VWA5B1: variants seen among roughly 807,000 people sequenced by gnomAD.
VWA5B1 encodes von Willebrand factor A domain-containing protein 5B1.
VWA5B1 carries 115 observed loss-of-function variants against 118.2 expected under a neutral mutation model. The observed-to-expected ratio is 0.97, with a 90% CI of 0.84 to 1.14. VWA5B1 has a LOEUF of 1.14. Among genes scored for constraint, VWA5B1 ranks in the 50% most tolerant of loss-of-function variants. The probability of loss-of-function intolerance (pLI) is 0.00; values close to 1 mark genes in which losing one functional copy is unlikely to be tolerated. For synonymous variants in VWA5B1, 682 were observed against 658.4 expected (o/e 1.04, Z -0.55); for missense variants, 1,596 against 1,603.8 (o/e 1.00, Z 0.08).
chr1:20,309,823 G>A (rs1350442195), intron 1 of VWA5B1, among the ~76,000 whole-genome samples: 16 of 152,118 alleles, frequency 1.1e-4, no homozygotes, highest in Admixed American at 1.0e-3. Flanking sequence ...GCCTGGGACA[G>A]GGTGCTGGTG....
At chr1:20,323,567 G>A in intron 8 of VWA5B1, 35 bp downstream of exon 8, 1 of 1,347,566 alleles carries the variant, frequency 7.4e-7, no homozygotes, top group South Asian at 1.9e-5. Context: ...GAGGACCCGG[G>A]GCTCCAGGGG....
intron 1 of VWA5B1, 83 bp from the exon 2 acceptor site, chr1:20,310,493 T>G: frequency 1.5e-6 from 2 of 1,304,000 alleles, no homozygotes; most frequent in Non-Finnish European, 2.0e-6. Context: ...TCTGATTGCT[T>G]GAGGGTGTCT....
chr1:20,357,855 G>T lies in VWA5B1; in HGVS notation c.*3592G>T, dbSNP rs147817669. On this transcript the variant is annotated 3_prime_UTR_variant, in exon 22 of 22. Coordinates refer to ENST00000289815, the MANE Select transcript of VWA5B1 (RefSeq NM_001039500.3). ...TCTCATTTATGGTATGGGTACAGAT[G>T]ACCACAATAGCTCATGGTATTGCAC... is the stretch of plus-strand genomic sequence containing the variant. 7.6e-3 allele frequency among the ~76,000 whole-genome samples: 1,162 copies of T among 152,278 alleles called. 12 individuals are homozygous for T. The highest frequency in any genetic ancestry group is 0.014 in the Middle Eastern group (4 of 294).
At chr1:20,311,110 C>A (rs1351494492) in intron 2 of VWA5B1, among the ~76,000 whole-genome samples, 1 of 152,220 alleles carries the variant, frequency 6.6e-6, no homozygotes, top group Admixed American at 6.5e-5. Context: ...GTAGCTGGGA[C>A]TACGGGCATG....
chr1:20,312,701 C>A (rs2088883973), intron 2 of VWA5B1, 135 bp from the exon 3 acceptor site: 1 of 1,251,522 alleles, frequency 8.0e-7, no homozygotes, highest in Non-Finnish European at 1.0e-6. Flanking sequence ...TGGCTCTCTG[C>A]CGAGGCCTCT....
chr1:20,332,787 G>T lies in VWA5B1; in HGVS notation c.1594G>T (p.Ala532Ser). ...QPKMVKSLKK[A>S]MAPVLSDVTV... ...ACAGATGGTCAAATCCTTGAAGAAG[G>T]CCATGGCCCCAGTCCTGAGCGATGT... Residue 532 changes from alanine to serine, a missense_variant, in exon 12 of 22, where the codon GCC (alanine) becomes TCC (serine). Transcript: ENST00000289815. The T allele has an allele frequency of 6.4e-7, 1 of 1,551,714 alleles. No homozygotes were observed. Among genetic ancestry groups the T allele is most frequent in the Non-Finnish European group, 8.7e-7 (1 of 1,147,002 alleles).
intron 9 of VWA5B1, among the ~76,000 whole-genome samples, chr1:20,329,312 T>TTTTTTTTTTTTTTTG (rs2089478225): frequency 8.7e-6 from 1 of 114,728 alleles, no homozygotes; most frequent in African/African-American, 3.1e-5. Context: ...TTTTTTTTTT[T>TTTTTTTTTTTTTTTG]TTTTGAGATG....
chr1:20,350,490 AC>A, intron 19 of VWA5B1, among the ~76,000 whole-genome samples: 1 of 152,128 alleles, frequency 6.6e-6, no homozygotes, highest in Non-Finnish European at 1.5e-5. Context: ...CCGCTGAGGG[AC>A]CATTTTTGCC....
At chr1:20,349,040 G>C (rs2090068542) in intron 18 of VWA5B1, 1 of 278,778 alleles carries the variant, frequency 3.6e-6, no homozygotes, top group Non-Finnish European at 7.5e-6. Flanking sequence ...GAAGACATCA[G>C]AGGTCCCGCC....
chr1:20,348,432 T>A (rs895448722), intron 18 of VWA5B1, 74 bp downstream of exon 18: 28 of 1,468,058 alleles, frequency 1.9e-5, no homozygotes, highest in Non-Finnish European at 2.6e-5. Flanking sequence ...TACCGCGTCC[T>A]CCTGTCCGAG....
At chr1:20,330,740 C>G (rs1466599732) in intron 10 of VWA5B1, 129 bp from the exon 11 acceptor site, 2 of 938,086 alleles carry the variant, frequency 2.1e-6, no homozygotes, top group African/African-American at 1.6e-5. Context: ...TTCCTTCTCC[C>G]TCTCCCTCTA....
Position 20,307,126 on chromosome 1 carries a change from G to A in VWA5B1, c.-26-3450G>A, listed in dbSNP as rs145882889. ...AAGACACGCTGTGTGGCACACTGAG[G>A]AAGGAGGTGGGGAAGGTAAACATAG... On this transcript the variant is annotated intron_variant, in intron 1 of 21. Coordinates refer to ENST00000289815, the MANE Select transcript of VWA5B1 (RefSeq NM_001039500.3). 1.1e-3 allele frequency among the ~76,000 whole-genome samples: 170 copies of A among 152,290 alleles called. 1 individual carries two copies. The highest frequency in any genetic ancestry group is 9.3e-3 in the South Asian group (45 of 4,830).
At chr1:20,314,186 T>G in intron 3 of VWA5B1, 136 bp from the exon 4 acceptor site, 2 of 904,976 alleles carry the variant, frequency 2.2e-6, no homozygotes, top group Non-Finnish European at 3.4e-6. Flanking sequence ...GGCTTACTTA[T>G]TCACAAGTCA....
At chr1:20,352,272 A>G in intron 21 of VWA5B1, 100 bp downstream of exon 21, 2 of 933,688 alleles carry the variant, frequency 2.1e-6, no homozygotes, top group South Asian at 1.8e-5. Flanking sequence ...CTCAAAGAGA[A>G]GAAGGCTTTG....
At chr1:20,308,839 G>A (rs954291642) in intron 1 of VWA5B1, among the ~76,000 whole-genome samples, 5 of 152,282 alleles carry the variant, frequency 3.3e-5, no homozygotes, top group African/African-American at 4.8e-5. Context: ...GACCCAGGGG[G>A]AAACAGTCCC....
Position 20,319,480 on chromosome 1 carries a change from A to C in VWA5B1, c.940A>C (p.Lys314Gln). ...KGRTDFIKGMKKKSRAERKTE... is the reference protein window; with the variant it reads ...KGRTDFIKGMQKKSRAERKTE... ...AAGAACAGATTTCATTAAAGGGATG[A>C]AGAAGAAGAGCAGAGCAGAGCGGAA... Residue 314 changes from lysine to glutamine, a missense_variant, in exon 7 of 22, where the codon AAG becomes CAG. Lys to Gln is a moderately conservative substitution (Grantham distance 53). Coordinates refer to ENST00000289815, the MANE Select transcript of VWA5B1 (RefSeq NM_001039500.3). The C allele has an allele frequency of 6.4e-7, 1 of 1,551,738 alleles. No homozygotes were observed. The highest frequency in any genetic ancestry group is 1.2e-5 in the South Asian group (1 of 84,056).
chr1:20,350,209 G>C lies in VWA5B1; in HGVS notation c.2932G>C (p.Glu978Gln), dbSNP rs1457452561. 2.6e-6 allele frequency: 4 copies of C among 1,551,012 alleles called. No individual in the cohort carries two copies. Among genetic ancestry groups the C allele is most frequent in the Non-Finnish European group, 2.6e-6 (3 of 1,146,998 alleles). ...CAGCGAGGCCAGGTCCCCCGGCCGC[G>C]AGAAGCACGGTGCTTCTGAAGGTGA... ...LFSEARSPGREKHGASEGPQR... is the reference protein window; with the variant it reads ...LFSEARSPGRQKHGASEGPQR... Residue 978 changes from glutamate to glutamine, a missense_variant, in exon 19 of 22, where the codon GAG (glutamate) becomes CAG (glutamine). Physicochemically the swap from Glu to Gln is conservative, Grantham distance 29. Transcript: ENST00000289815.
At position 20,314,432 on chromosome 1, in the gene VWA5B1, A is replaced by G; in HGVS notation, c.403A>G (p.Ile135Val). 2 of 1,551,874 alleles carry G rather than the reference A, an allele frequency of 1.3e-6. No individual in the cohort carries two copies. Among genetic ancestry groups the G allele is most frequent in the Non-Finnish European group, 1.7e-6 (2 of 1,147,034 alleles). ...RILFVANLGT[I>V]APMENVTIFI... ...CCTGTTCGTGGCCAACCTGGGGACCATTGCCCCCATGGAGAATGTCACCAT... is the reference window on the plus strand; with the variant it reads ...CCTGTTCGTGGCCAACCTGGGGACCGTTGCCCCCATGGAGAATGTCACCAT... Residue 135 changes from isoleucine (I) to valine (V), a missense_variant, in exon 4 of 22, where the codon ATT becomes GTT. Transcript: ENST00000289815.
At position 20,342,289 on chromosome 1, in the gene VWA5B1, T is replaced by A. The variant is rs922447374; in HGVS notation, c.2134-143T>A. On this transcript the variant is annotated intron_variant, in intron 14 of 21. Coordinates refer to ENST00000289815, the MANE Select transcript of VWA5B1 (RefSeq NM_001039500.3). ...GGGCAGTGCCCAGGAGGAGCTGCTG[T>A]GCCCCAGGAAAGAGCTGGTGGGGTG... is the stretch of plus-strand genomic sequence containing the variant. 113 of 770,072 alleles carry A rather than the reference T, an allele frequency of 1.5e-4. No homozygotes were observed. In the Middle Eastern group the frequency reaches 2.3e-3, roughly 15 times the overall value. The allele number at this position is 770,072 out of a possible 1,614,324, so 47.7% of individuals were successfully genotyped here.
Sources: allele counts gnomAD v4.1 joint callset (sites outside exome capture counted in the v4.1 genomes callset), GRCh38; gene constraint gnomAD v4.1.1; transcripts MANE v1.5; gene names NCBI Gene and HGNC (gene_info 2026-07-23, HGNC 2026-07-21).